The following C2CD3 variants were observed in gnomAD, a reference collection of about 807,000 sequenced individuals.
C2CD3 encodes the protein C2 domain-containing protein 3.
In C2CD3, 148 loss-of-function variants were observed where a neutral mutation model predicts 234.0. The observed-to-expected ratio is 0.63, with a 90% CI of 0.55 to 0.72. The LOEUF is 0.72. C2CD3 is among the 30% of genes least tolerant of loss of function. The pLI is 0.00. For synonymous variants in C2CD3, 1,000 were observed against 1,035.4 expected (o/e 0.97, Z 0.66); for missense variants, 2,577 against 2,811.5 (o/e 0.92, Z 1.89).
Position 74,037,608 on chromosome 11 carries a change from C to T in C2CD3, c.5751G>A (p.Thr1917=), listed in dbSNP as rs758544799. ...AGCTCTCCTGGTGCTGTGAGATGGC[C>T]GTTTGAGTCTGAGGGCTGAGGGGTA... ...PFLPLSPQTQ[T]AISQHQESCR... Residue 1917 remains threonine (T), a synonymous_variant, in exon 30 of 33, where the codon ACG becomes ACA. Transcript: ENST00000334126. The T allele has an allele frequency of 1.7e-5, 27 of 1,614,048 alleles. No individual in the cohort carries two copies. The highest frequency in any genetic ancestry group is 2.2e-5 in the East Asian group (1 of 44,870).
intron 22 of C2CD3, among the ~76,000 whole-genome samples, chr11:74,080,675 T>G (rs1379324417): frequency 6.6e-6 from 1 of 152,178 alleles, no homozygotes; most frequent in African/African-American, 2.4e-5. Context: ...AAGGTTTATA[T>G]CCAAGGGGTT....
At chr11:74,160,337 C>T (rs1452231705) in intron 3 of C2CD3, among the ~76,000 whole-genome samples, 2 of 152,056 alleles carry the variant, frequency 1.3e-5, no homozygotes, top group Non-Finnish European at 2.9e-5. Flanking sequence ...GTGGAATCAA[C>T]CTAAGCATTC....
intron 32 of C2CD3, among the ~76,000 whole-genome samples, chr11:74,015,850 T>C (rs1951859651): frequency 6.7e-6 from 1 of 149,450 alleles, no homozygotes; most frequent in Non-Finnish European, 1.5e-5. Context: ...GGGGATCGCA[T>C]GAGTCTAGGA....
intron 29 of C2CD3, among the ~76,000 whole-genome samples, chr11:74,038,297 T>A (rs571735950): frequency 6.6e-6 from 1 of 152,208 alleles, no homozygotes; most frequent in African/African-American, 2.4e-5. Context: ...TAAAAGGACA[T>A]AAATAAGTGA....
intron 26 of C2CD3, among the ~76,000 whole-genome samples, chr11:74,050,074 C>A (rs1308725965): frequency 6.6e-5 from 10 of 152,154 alleles, no homozygotes; most frequent in Non-Finnish European, 1.3e-4. Context: ...GCCACCCCAC[C>A]TAGCTGGTCC....
At chr11:74,086,000 T>C in intron 20 of C2CD3, 114 bp from the exon 21 acceptor site, 2 of 1,057,852 alleles carry the variant, frequency 1.9e-6, no homozygotes, top group Non-Finnish European at 2.7e-6. Context: ...TAAAACCAAC[T>C]ATATGCTTTC....
In C2CD3 at chr11:74,139,751, A is replaced by G; in HGVS notation, c.561T>C (p.Asn187=). Residue 187 remains asparagine (N), a synonymous_variant, in exon 4 of 33, where the codon AAT becomes AAC. Transcript: ENST00000334126. The part of the protein sequence containing the change: ...HPLPTTDMTE[N]VLLSKQGFRE... ...TGAATCCCTGCTTAGATAAAAGCAC[A>G]TTTTCTGTCATGTCAGTGGTAGGAA... The G allele has an allele frequency of 4.3e-6, 7 of 1,613,524 alleles. 1 individual carries two copies. Among genetic ancestry groups the G allele is most frequent in the Middle Eastern group, 3.3e-4 (2 of 6,060 alleles).
In C2CD3 at chr11:74,082,123, AT is replaced by A. The variant is rs34965283; in HGVS notation, c.4000+2757del. On this transcript the variant is annotated intron_variant, in intron 22 of 32. Coordinates refer to ENST00000334126, the MANE Select transcript of C2CD3 (RefSeq NM_001286577.2). Reference sequence around the variant, plus strand: ...ATTCAGTATGATACTGGCTGTGGATATTTTTTTTTTTTTTTTTGAGACGGAG... The same window carrying A: ...ATTCAGTATGATACTGGCTGTGGATATTTTTTTTTTTTTTTTGAGACGGAG... Among the ~76,000 whole-genome samples the A allele has an allele frequency of 3.6e-3, 493 of 136,758 alleles. 2 individuals are homozygous for A. The highest frequency in any genetic ancestry group is 9.3e-3 in the African/African-American group (348 of 37,410). The allele number at this position is 136,758 out of a possible 152,430, so 89.7% of individuals were successfully genotyped here. A position where few individuals can be genotyped will look rare whatever the true frequency, so the allele number is the denominator to read the frequency against.
intron 8 of C2CD3, 43 bp downstream of exon 8, chr11:74,122,945 C>T (rs1217224306): frequency 2.7e-6 from 4 of 1,499,848 alleles, no homozygotes; most frequent in Admixed American, 1.7e-5. Flanking sequence ...ATTATTAATA[C>T]ATTTGTTCTC....
In C2CD3 at chr11:74,135,466, G is replaced by A. The variant is rs141888457; in HGVS notation, c.956-1909C>T. Among the ~76,000 whole-genome samples the A allele has an allele frequency of 4.6e-5, 7 of 152,224 alleles. No individual in the cohort carries two copies. The East Asian group carries it at 1.4e-3, about 29-fold the overall frequency. ...GTAATTAATGCTTACCTTAAGACAG[G>A]AAGATTATCTTGGTAGGCAGAATCT... On this transcript the variant is annotated intron_variant, in intron 5 of 32. Transcript: ENST00000334126.
chr11:74,098,300 C>A (rs376901553), intron 15 of C2CD3, 45 bp from the exon 16 acceptor site: 493 of 1,591,110 alleles, frequency 3.1e-4, no homozygotes, highest in Non-Finnish European at 4.0e-4. Flanking sequence ...AAGCATCAAT[C>A]ATGTCATAGA....
chr11:74,143,118 C>T (rs1854918481), intron 3 of C2CD3, among the ~76,000 whole-genome samples: 1 of 152,068 alleles, frequency 6.6e-6, no homozygotes, highest in South Asian at 2.1e-4. Flanking sequence ...CCACGCCATC[C>T]ACATATACCA....
intron 24 of C2CD3, among the ~76,000 whole-genome samples, chr11:74,062,026 A>G (rs935844995): frequency 3.9e-5 from 6 of 152,220 alleles, no homozygotes; most frequent in African/African-American, 1.4e-4. Context: ...AGAGACAAAG[A>G]AGGCCATTAC....
At chr11:74,113,679 CAAAAAAAA>C in intron 11 of C2CD3, 93 bp downstream of exon 11, 77 of 479,844 alleles carry the variant, frequency 1.6e-4, no homozygotes, top group Non-Finnish European at 2.3e-4. Flanking sequence ...GACTCCATGT[CAAAAAAAA>C]AAAAAAAAAA....
intron 31 of C2CD3, among the ~76,000 whole-genome samples, chr11:74,032,134 C>A (rs751166693): frequency 6.6e-6 from 1 of 152,170 alleles, no homozygotes; most frequent in Non-Finnish European, 1.5e-5. Context: ...GGTCCCTGAC[C>A]TGGGGAGCTT....
intron 7 of C2CD3, chr11:74,130,091 A>T (rs1201313438): frequency 1.0e-5 from 1 of 100,392 alleles, no homozygotes; most frequent in Non-Finnish European, 2.0e-5. Context: ...GACCGTGGGG[A>T]GAGGGAGAGG....
chr11:74,099,303 G>A (rs1332636299), intron 15 of C2CD3, among the ~76,000 whole-genome samples: 1 of 152,118 alleles, frequency 6.6e-6, no homozygotes, highest in Non-Finnish European at 1.5e-5. Flanking sequence ...AGATCTTCAC[G>A]ATTGTTCCAC....
intron 32 of C2CD3, among the ~76,000 whole-genome samples, chr11:74,020,527 G>A (rs1301251661): frequency 6.6e-6 from 1 of 152,184 alleles, no homozygotes; most frequent in Admixed American, 6.5e-5. Flanking sequence ...TGAGTGGTTT[G>A]GAGTCCAGTG....
At chr11:74,100,246 T>G (rs561404050) in intron 15 of C2CD3, among the ~76,000 whole-genome samples, 24 of 152,232 alleles carry the variant, frequency 1.6e-4, no homozygotes, top group Admixed American at 3.9e-4. Flanking sequence ...TTAACTCATC[T>G]GTACAAAAAA....
Sources: gnomAD v4.1 joint callset for allele counts (sites outside exome capture counted in the v4.1 genomes callset) on GRCh38, gnomAD v4.1.1 for gene constraint, MANE v1.5 for transcripts, NCBI Gene and HGNC (gene_info 2026-07-23, HGNC 2026-07-21) for gene names.